TREH: variants seen among roughly 807,000 people sequenced by gnomAD.
TREH encodes the protein alpha,alpha-trehalose glucohydrolase.
In TREH, 69 loss-of-function variants were observed where a neutral mutation model predicts 80.5. That is an observed-to-expected ratio of 0.86 (90% CI 0.71 to 1.05). The LOEUF (loss-of-function observed/expected upper bound fraction) is 1.05. TREH is among the 50% of genes least tolerant of loss of function. The probability of loss-of-function intolerance (pLI) is 0.00; values close to 1 mark genes in which losing one functional copy is unlikely to be tolerated. For missense variants in TREH, 716 were observed against 718.8 expected, an observed-to-expected ratio of 1.00 and a Z score of 0.04; for synonymous variants, 309 against 293.5, an observed-to-expected ratio of 1.05 and a Z score of -0.54.
In TREH at chr11:118,679,624, G is replaced by C; in HGVS notation, c.4C>G (p.Pro2Ala). Residue 2 changes from proline (P) to alanine (A), a missense_variant, in exon 1 of 15, where the codon CCA (proline) becomes GCA (alanine). Pro to Ala is a conservative substitution (Grantham distance 27, BLOSUM62 -1). Transcript: ENST00000264029. M[P>A]GRTWELCLLL... The stretch of plus-strand genomic sequence containing the variant: ...AGGCACAGCTCCCAGGTCCTCCCTG[G>C]CATGGTGGCTGTGACTGTGACTGAA... The C allele has an allele frequency of 6.6e-7, 1 of 1,517,500 alleles. No individual in the cohort carries two copies. Among genetic ancestry groups the C allele is most frequent in the South Asian group, 1.3e-5 (1 of 77,048 alleles). 94.0% of individuals were successfully genotyped at this position (1,517,500 alleles called of 1,614,324 possible).
intron 10 of TREH, 79 bp downstream of exon 10, chr11:118,660,460 G>A: frequency 7.0e-7 from 1 of 1,425,582 alleles, no homozygotes. Context: ...GTCACACAAG[G>A]GTCCTACTTC....
intron 1 of TREH, among the ~76,000 whole-genome samples, chr11:118,676,052 TA>T (rs1225791406): frequency 2.6e-5 from 4 of 152,210 alleles, no homozygotes; most frequent in Non-Finnish European, 5.9e-5. Context: ...TTTCATGACA[TA>T]CGCATGATTG....
chr11:118,675,227 A>G (rs1032226657), intron 1 of TREH, among the ~76,000 whole-genome samples: 1 of 152,056 alleles, frequency 6.6e-6, no homozygotes, highest in Non-Finnish European at 1.5e-5. Context: ...TTCCCAACCC[A>G]TATGTTTCAG....
intron 1 of TREH, among the ~76,000 whole-genome samples, chr11:118,666,780 C>G (rs540284628): frequency 6.6e-6 from 1 of 152,318 alleles, no homozygotes; most frequent in Non-Finnish European, 1.5e-5. Flanking sequence ...AGCAGCATGG[C>G]CAGCCTGTCC....
rs1949262408 is a variant in TREH, at chr11:118,658,820, C to T, written c.1545+85G>A. On this transcript the variant is annotated intron_variant, in intron 13 of 14. Transcript: ENST00000264029. ...AACCAGAGCCCCTGGGGAGAAGCTG[C>T]TCTGCCTGCCCAGCAGCCCCTGCAG... 8 of 1,610,510 alleles carry T rather than the reference C, an allele frequency of 5.0e-6. No individual in the cohort carries two copies. In the East Asian group the frequency reaches 1.6e-4, roughly 31 times the overall value.
At chr11:118,671,371 A>G (rs144543000) in intron 1 of TREH, among the ~76,000 whole-genome samples, 51 of 152,290 alleles carry the variant, frequency 3.3e-4, no homozygotes, top group African/African-American at 1.2e-3. Context: ...CTGAAACCCT[A>G]GAGCTGAAAA....
chr11:118,678,720 A>G (rs1949504222), intron 1 of TREH, among the ~76,000 whole-genome samples: 1 of 150,816 alleles, frequency 6.6e-6, no homozygotes, highest in Admixed American at 6.6e-5. Context: ...TGATGTGGCC[A>G]CAGCTCCATA....
chr11:118,659,719 G>A, intron 11 of TREH, 28 bp downstream of exon 11: 1 of 1,555,126 alleles, frequency 6.4e-7, no homozygotes, highest in Non-Finnish European at 8.7e-7. Context: ...TGCCTGCAGT[G>A]GACCCGAGCC....
Position 118,661,784 on chromosome 11 carries a change from C to G in TREH, c.525-55G>C, listed in dbSNP as rs1949325779. ...TGCTGCCTCCCTCTGCCCTGCACAC[C>G]AGCCAGTGGGGCACTCTGCCCTGCT... On this transcript the variant is annotated intron_variant, in intron 5 of 14. Transcript: ENST00000264029. This position sits in a 1 kb window ranked among gnomAD's most constrained non-coding sequence, Gnocchi z 4.2. 1 of 1,606,714 alleles carries G rather than the reference C, an allele frequency of 6.2e-7. No individual in the cohort carries two copies. Among genetic ancestry groups the G allele is most frequent in the South Asian group, 1.1e-5 (1 of 90,902 alleles).
chr11:118,665,788 G>A (rs1949371826), intron 1 of TREH, among the ~76,000 whole-genome samples: 1 of 152,206 alleles, frequency 6.6e-6, no homozygotes, highest in Admixed American at 6.5e-5. Context: ...TAGTGGTCAA[G>A]ATAGCCCACT....
In TREH at chr11:118,658,703, C is replaced by A. The variant is rs782641610; in HGVS notation, c.1576G>T (p.Gly526Trp). The A allele has an allele frequency of 1.0e-5, 16 of 1,600,988 alleles. No individual in the cohort carries two copies. Among genetic ancestry groups the A allele is most frequent in the Admixed American group, 1.7e-5 (1 of 57,906 alleles). ...YDVSNGGQPG[G>W]GGEYEVQEGF... ...ACCTGAACTTCATATTCTCCTCCCC[C>A]ACCGGGCTGTCCACCGTTGCTGACG... The change falls in exon 14 of 15, where the codon GGG (glycine) becomes TGG (tryptophan). Residue 526 changes from glycine to tryptophan, a missense_variant. Gly to Trp is a radical substitution (Grantham distance 184, BLOSUM62 -2). Coordinates refer to ENST00000264029, the MANE Select transcript of TREH (RefSeq NM_007180.3).
chr11:118,659,273 G>GCCTCTTGTGTCTTTTGTTCATGC, intron 12 of TREH, 97 bp downstream of exon 12: 1 of 1,041,366 alleles, frequency 9.6e-7, no homozygotes, highest in Non-Finnish European at 1.4e-6. Context: ...AGGATACGGG[G>GCCTCTTGTGTCTTTTGTTCATGC]CCTCTTGTGT....
chr11:118,674,220 A>G lies in TREH; in HGVS notation c.89+5319T>C, dbSNP rs1555146610. Among the ~76,000 whole-genome samples the G allele has an allele frequency of 6.6e-6, 1 of 152,226 alleles. No individual in the cohort carries two copies. The highest frequency in any genetic ancestry group is 1.5e-5 in the Non-Finnish European group (1 of 68,044). On this transcript the variant is annotated intron_variant, in intron 1 of 14. Transcript: ENST00000264029. The surrounding 1 kb of genome is among the most constrained non-coding windows in gnomAD (Gnocchi z 4.4). ...AATAATGTCTGATAGCAAGCTAATA[A>G]TTACCTCTCACATGGAAATTATCTA...
In TREH at chr11:118,663,172, T is replaced by C; in HGVS notation, c.215A>G (p.Glu72Gly). Residue 72 changes from glutamate to glycine, a missense_variant, in exon 3 of 15, where the codon GAG becomes GGG. Physicochemically the swap from Glu to Gly is moderately conservative, Grantham distance 98. Transcript: ENST00000264029. ...GCTGTGATTGTGGTCCCTGGACAGC[T>C]CAGTGAAGGTCTGCAGGACTTGTTC... ...APEQVLQTFT[E>G]LSRDHNHSIP... 6.2e-7 allele frequency: 1 copy of C among 1,612,522 alleles called. No individual in the cohort carries two copies. Among genetic ancestry groups the C allele is most frequent in the Non-Finnish European group, 8.5e-7 (1 of 1,179,248 alleles).
At chr11:118,664,759 G>C (rs1002435417) in intron 1 of TREH, among the ~76,000 whole-genome samples, 2 of 152,166 alleles carry the variant, frequency 1.3e-5, no homozygotes, top group Non-Finnish European at 2.9e-5. Context: ...AACATTTGCT[G>C]TCTACAGTGG....
At chr11:118,658,845 G>T in intron 13 of TREH, 60 bp downstream of exon 13, 1 of 1,609,110 alleles carries the variant, frequency 6.2e-7, no homozygotes, top group Non-Finnish European at 8.5e-7. Flanking sequence ...AGCCCCTGCA[G>T]TGCTCAGGAG....
intron 1 of TREH, among the ~76,000 whole-genome samples, chr11:118,675,261 T>C (rs541794092): frequency 3.7e-4 from 56 of 152,266 alleles, no homozygotes; most frequent in African/African-American, 1.2e-3. Flanking sequence ...TTCTAGTAAA[T>C]CCACATTTTC....
At chr11:118,673,189 G>C (rs1555146487) in intron 1 of TREH, among the ~76,000 whole-genome samples, 1 of 152,218 alleles carries the variant, frequency 6.6e-6, no homozygotes, top group Non-Finnish European at 1.5e-5. Context: ...GAAGATGAAA[G>C]TGTTTCTTGA....
intron 4 of TREH, chr11:118,662,604 A>G (rs1555145193): frequency 2.1e-6 from 1 of 468,642 alleles, no homozygotes; most frequent in Non-Finnish European, 3.9e-6. Context: ...GTGGTGCCAG[A>G]GGCAGTGCTG....
Sources: gnomAD v4.1 joint callset for allele counts (sites outside exome capture counted in the v4.1 genomes callset) on GRCh38, gnomAD v4.1.1 for gene constraint, Gnocchi (gnomAD v3.1) non-coding constraint, MANE v1.5 for transcripts, NCBI Gene and HGNC (gene_info 2026-07-23, HGNC 2026-07-21) for gene names.